The following SRPK2 variants were observed in gnomAD, a reference collection of about 807,000 sequenced individuals.
SRPK2 encodes the protein SFRS protein kinase 2.
SRPK2 carries 21 observed loss-of-function variants against 90.8 expected under a neutral mutation model. The observed-to-expected ratio is 0.23, with a 90% CI of 0.16 to 0.33. The LOEUF is 0.33. Ranked by LOEUF, SRPK2 falls within the 10% of genes least tolerant of loss-of-function variation. The pLI, the probability that SRPK2 is intolerant of heterozygous loss-of-function variation, is 1.00. For missense variants in SRPK2, 620 were observed against 869.0 expected, an observed-to-expected ratio of 0.71 and a Z score of 3.60; for synonymous variants, 288 against 311.1, an observed-to-expected ratio of 0.93 and a Z score of 0.78.
At chr7:105,154,139 A>T (rs1210660838) in intron 7 of SRPK2, among the ~76,000 whole-genome samples, 1 of 152,200 alleles carries the variant, frequency 6.6e-6, no homozygotes, top group Non-Finnish European at 1.5e-5. Context: ...TTCATCTCTA[A>T]CTGGTGAGAA....
At chr7:105,228,667 C>T (rs553167372) in intron 2 of SRPK2, among the ~76,000 whole-genome samples, 2 of 152,334 alleles carry the variant, frequency 1.3e-5, no homozygotes, top group South Asian at 4.1e-4. Flanking sequence ...GGCACCCTCA[C>T]CTAGGCAGCG....
intron 2 of SRPK2, among the ~76,000 whole-genome samples, chr7:105,335,020 A>T (rs1015405680): frequency 6.6e-6 from 1 of 150,806 alleles, no homozygotes; most frequent in Non-Finnish European, 1.5e-5. Context: ...AATACAAAAA[A>T]ATTAGCCAGG....
intron 2 of SRPK2, among the ~76,000 whole-genome samples, chr7:105,233,429 A>G (rs982747640): frequency 6.6e-6 from 1 of 152,258 alleles, no homozygotes; most frequent in African/African-American, 2.4e-5. Context: ...GTAGAAGACA[A>G]TATCAACAAA....
At position 105,311,233 on chromosome 7, in the gene SRPK2, T is replaced by C. The variant is rs189529488; in HGVS notation, c.71+77415A>G. Among the ~76,000 whole-genome samples, 184 of 152,162 alleles carry C rather than the reference T, an allele frequency of 1.2e-3. 1 individual carries two copies. The highest frequency in any genetic ancestry group is 3.9e-4 in the East Asian group (2 of 5,186). On this transcript the variant is annotated intron_variant, in intron 2 of 15. Coordinates refer to ENST00000393651, the MANE Select transcript of SRPK2 (RefSeq NM_182692.3). ...CCAATTAAATAATAAGCAAATAATT[T>C]CTTTCTTATTTTTTTTTTGAGACGG...
chr7:105,254,268 T>C (rs1802912648), intron 2 of SRPK2, among the ~76,000 whole-genome samples: 1 of 152,232 alleles, frequency 6.6e-6, no homozygotes, highest in Admixed American at 6.5e-5. Context: ...GTCAACACTA[T>C]CTGGAATATT....
intron 2 of SRPK2, among the ~76,000 whole-genome samples, chr7:105,309,700 T>C (rs1176089601): frequency 6.6e-6 from 1 of 152,154 alleles, no homozygotes; most frequent in Non-Finnish European, 1.5e-5. Flanking sequence ...ATAGAGACTT[T>C]CATGTAAAAT....
At chr7:105,265,055 T>C (rs867883207) in intron 2 of SRPK2, among the ~76,000 whole-genome samples, 1 of 152,218 alleles carries the variant, frequency 6.6e-6, no homozygotes, top group Non-Finnish European at 1.5e-5. Flanking sequence ...AGGATTCTTC[T>C]GGGATGATTT....
At chr7:105,296,241 A>G (rs941516223) in intron 2 of SRPK2, among the ~76,000 whole-genome samples, 4 of 152,250 alleles carry the variant, frequency 2.6e-5, no homozygotes, top group African/African-American at 9.6e-5. Context: ...TAAAAGACAC[A>G]CAATTTTACA....
At chr7:105,356,483 T>A (rs2132152941) in intron 2 of SRPK2, among the ~76,000 whole-genome samples, 1 of 152,300 alleles carries the variant, frequency 6.6e-6, no homozygotes, top group East Asian at 1.9e-4. Context: ...ACCTGATAAA[T>A]GCATATTAAA....
chr7:105,289,114 A>AG (rs1808597668), intron 2 of SRPK2, among the ~76,000 whole-genome samples: 1 of 150,230 alleles, frequency 6.7e-6, no homozygotes, highest in African/African-American at 2.4e-5. Flanking sequence ...AAAAAAAAAA[A>AG]AAAAAAAAAA....
chr7:105,297,407 G>A, intron 2 of SRPK2: 2 of 947,518 alleles, frequency 2.1e-6, no homozygotes, highest in Non-Finnish European at 2.5e-6. Context: ...ACTATAAATT[G>A]TACTTAATGT....
At chr7:105,388,375 G>A (rs1460462750) in intron 2 of SRPK2, among the ~76,000 whole-genome samples, 1 of 150,134 alleles carries the variant, frequency 6.7e-6, no homozygotes, top group Non-Finnish European at 1.5e-5. Context: ...CCTTTCCGCC[G>A]GCCTCCCGCC....
rs545729167 is a variant in SRPK2 at position 105,167,796 on chromosome 7, A to G, written c.426+212T>C. Among the ~76,000 whole-genome samples the G allele has an allele frequency of 3.3e-5, 5 of 152,092 alleles. 1 individual carries two copies. The highest frequency in any genetic ancestry group is 1.2e-4 in the African/African-American group (5 of 41,510). On this transcript the variant is annotated intron_variant, in intron 5 of 15. Coordinates refer to ENST00000393651, the MANE Select transcript of SRPK2 (RefSeq NM_182692.3). Reference sequence around the variant, plus strand: ...TGGCTATTTTTTATATTTTTAGCAGAGATGGGGTTTCACCGTGTTTGCCAG... The same window carrying G: ...TGGCTATTTTTTATATTTTTAGCAGGGATGGGGTTTCACCGTGTTTGCCAG...
At chr7:105,297,416 G>C (rs1216107958) in intron 2 of SRPK2, 1 of 973,588 alleles carries the variant, frequency 1.0e-6, no homozygotes, top group Non-Finnish European at 1.2e-6. Flanking sequence ...TGTACTTAAT[G>C]TTACCTTATT....
intron 2 of SRPK2, among the ~76,000 whole-genome samples, chr7:105,354,579 T>A (rs1009525251): frequency 6.6e-6 from 1 of 152,150 alleles, no homozygotes; most frequent in Non-Finnish European, 1.5e-5. Flanking sequence ...ATGCAAGAGA[T>A]CACACCCTGT....
intron 3 of SRPK2, among the ~76,000 whole-genome samples, chr7:105,202,030 C>T (rs1795623052): frequency 6.6e-6 from 1 of 152,120 alleles, no homozygotes; most frequent in African/African-American, 2.4e-5. Flanking sequence ...CAAACTGGCT[C>T]TATCTTTTCT....
At chr7:105,207,665 C>A (rs1419242429) in intron 2 of SRPK2, among the ~76,000 whole-genome samples, 1 of 152,188 alleles carries the variant, frequency 6.6e-6, no homozygotes, top group Admixed American at 6.5e-5. Flanking sequence ...CTCTCACACA[C>A]AGGCTTTACA....
intron 2 of SRPK2, among the ~76,000 whole-genome samples, chr7:105,232,458 T>TAAAAAAAAAAAAAAA (rs10533429): frequency 2.8e-4 from 37 of 132,070 alleles, no homozygotes; most frequent in African/African-American, 9.9e-4. Flanking sequence ...AAACCTTATC[T>TAAAAAAAAAAAAAAA]AAAAAAAAAA....
At chr7:105,278,399 C>T (rs906780551) in intron 2 of SRPK2, among the ~76,000 whole-genome samples, 7 of 150,630 alleles carry the variant, frequency 4.6e-5, no homozygotes, top group East Asian at 1.9e-4. Flanking sequence ...TGAGGCTGGG[C>T]GCAGTGGCTC....
Sources: allele counts gnomAD v4.1 joint callset (sites outside exome capture counted in the v4.1 genomes callset), GRCh38; gene constraint gnomAD v4.1.1; transcripts MANE v1.5; gene names NCBI Gene and HGNC (gene_info 2026-07-23, HGNC 2026-07-21).